GRAMD1B: variants seen among roughly 807,000 people sequenced by gnomAD.
GRAMD1B encodes protein Aster-B.
In GRAMD1B, 37 loss-of-function variants were observed where a neutral mutation model predicts 99.7. The observed-to-expected ratio is 0.37, with a 90% CI of 0.29 to 0.49. The LOEUF (loss-of-function observed/expected upper bound fraction) is 0.49. GRAMD1B is among the 20% of genes least tolerant of loss of function. The probability of loss-of-function intolerance (pLI) is 0.98; values close to 1 mark genes in which losing one functional copy is unlikely to be tolerated. For synonymous variants in GRAMD1B, 427 were observed against 387.6 expected (o/e 1.10, Z -1.19); for missense variants, 888 against 1,009.2 (o/e 0.88, Z 1.63).
chr11:123,380,939 C>T (rs1946852301), intron 1 of GRAMD1B, among the ~76,000 whole-genome samples: 1 of 152,244 alleles, frequency 6.6e-6, no homozygotes, highest in East Asian at 1.9e-4. Context: ...CTCTACGTAC[C>T]TTCCTTGGAG....
intron 1 of GRAMD1B, among the ~76,000 whole-genome samples, chr11:123,402,462 G>A (rs968146928): frequency 6.6e-6 from 1 of 152,198 alleles, no homozygotes; most frequent in African/African-American, 2.4e-5. Flanking sequence ...GTGTGTCAGA[G>A]TCTATGCTAA....
rs570018925 is a variant in GRAMD1B, at chr11:123,478,247, A to G, written c.375-2569A>G. 2.0e-5 allele frequency among the ~76,000 whole-genome samples: 3 copies of G among 151,982 alleles called. No individual in the cohort carries two copies. In the East Asian group the frequency reaches 5.8e-4, roughly 30 times the overall value. ...GGCTGATCAGGAACTCCTGGGTTTG[A>G]GCGATCCTCCGGTCTCAGCCTCCCA... On this transcript the variant is annotated intron_variant, in intron 1 of 19. Transcript: ENST00000635736.
At chr11:123,364,186 G>T (rs115226709) in intron 1 of GRAMD1B, among the ~76,000 whole-genome samples, 218 of 152,308 alleles carry the variant, frequency 1.4e-3, no homozygotes, top group African/African-American at 5.1e-3. Flanking sequence ...TAGCAATAAA[G>T]AGTGATGTTG....
chr11:123,389,472 A>T (rs1308966310), intron 1 of GRAMD1B, among the ~76,000 whole-genome samples: 1 of 152,238 alleles, frequency 6.6e-6, no homozygotes, highest in East Asian at 1.9e-4. Context: ...AAAAATAAGG[A>T]AAGTCTAAGA....
chr11:123,469,772 TTTCTTTCCTTCC>T (rs61433596), intron 1 of GRAMD1B, among the ~76,000 whole-genome samples: 9,207 of 108,344 alleles, frequency 0.085, 342 homozygotes, highest in Middle Eastern at 0.14. Context: ...TTTCTTTCTC[TTTCTTTCCTTCC>T]TTCCTTCCTT....
intron 1 of GRAMD1B, chr11:123,435,748 A>G: frequency 2.9e-6 from 1 of 340,662 alleles, no homozygotes; most frequent in Non-Finnish European, 5.3e-6. Flanking sequence ...TGAGTGTGGG[A>G]AAATTTCCAA....
intron 1 of GRAMD1B, among the ~76,000 whole-genome samples, chr11:123,451,244 G>A (rs186725913): frequency 3.6e-4 from 55 of 152,302 alleles, no homozygotes; most frequent in Admixed American, 7.2e-4. Context: ...CTGTAGCACT[G>A]GCACACACCA....
chr11:123,416,175 C>T (rs1445534298), intron 1 of GRAMD1B, among the ~76,000 whole-genome samples: 1 of 152,170 alleles, frequency 6.6e-6, no homozygotes, highest in Non-Finnish European at 1.5e-5. Flanking sequence ...GCATTAGTTA[C>T]AGTACATTGA....
chr11:123,489,910 C>G (rs1565294815), intron 2 of GRAMD1B, among the ~76,000 whole-genome samples: 1 of 152,196 alleles, frequency 6.6e-6, no homozygotes, highest in Admixed American at 6.5e-5. Flanking sequence ...AGTGTGATGG[C>G]TGGCGCCTGT....
At chr11:123,554,756 G>T (rs1258449322) in intron 2 of GRAMD1B, among the ~76,000 whole-genome samples, 4 of 152,034 alleles carry the variant, frequency 2.6e-5, no homozygotes, top group Non-Finnish European at 5.9e-5. Context: ...ACATGGAAAG[G>T]TCTCTGAAGA....
intron 1 of GRAMD1B, among the ~76,000 whole-genome samples, chr11:123,394,682 C>A (rs1947397914): frequency 6.6e-6 from 1 of 152,170 alleles, no homozygotes; most frequent in Non-Finnish European, 1.5e-5. Flanking sequence ...GTCTTGTTCC[C>A]TGCCTTAAAT....
In GRAMD1B at chr11:123,397,332, C is replaced by T. The variant is rs771092943; in HGVS notation, c.-176+38533C>T. 4.6e-5 allele frequency among the ~76,000 whole-genome samples: 7 copies of T among 152,030 alleles called. No individual in the cohort carries two copies. In the East Asian group the frequency reaches 5.8e-4, roughly 13 times the overall value. On this transcript the variant is annotated intron_variant, in intron 1 of 20. Coordinates refer to the GRAMD1B transcript ENST00000638157. ...CTGAGGCAAGAGAATTGCTTGAACCCGGGAGTTTGCAGTGCAGTGAGCTGA... is the reference window on the plus strand; with the variant it reads ...CTGAGGCAAGAGAATTGCTTGAACCTGGGAGTTTGCAGTGCAGTGAGCTGA...
chr11:123,618,749 A>C lies in GRAMD1B; in HGVS notation c.2375A>C (p.Glu792Ala). ...CTCTTCTACAAACTCTGGATGTTGG[A>C]ATACACCACGCAGACCCTCACTGCC... Reference protein sequence around the residue: ...MMLFYKLWMLEYTTQTLTAWQ... With the variant: ...MMLFYKLWMLAYTTQTLTAWQ... The change falls in exon 18 of 20, where the codon GAA (glutamate) becomes GCA (alanine). Residue 792 changes from glutamate to alanine, a missense_variant. By Grantham distance (107) the Glu-to-Ala change is moderately radical (BLOSUM62 -1). This residue lies in a region of GRAMD1B where 232 missense variants were observed against 261.7 expected (regional missense o/e 0.89). Coordinates refer to ENST00000635736, the MANE Select transcript of GRAMD1B (RefSeq NM_001387025.1). The C allele has an allele frequency of 6.3e-7, 1 of 1,589,228 alleles. No homozygotes were observed. The highest frequency in any genetic ancestry group is 8.6e-7 in the Non-Finnish European group (1 of 1,167,162).
chr11:123,517,076 C>T (rs544913611), intron 2 of GRAMD1B, among the ~76,000 whole-genome samples: 14 of 152,240 alleles, frequency 9.2e-5, no homozygotes, highest in Middle Eastern at 3.4e-3. Flanking sequence ...CACACCACCA[C>T]GTCCAGCTAA....
chr11:123,619,022 C>G (rs546451936), intron 18 of GRAMD1B, 85 bp from the exon 19 acceptor site: 12 of 770,624 alleles, frequency 1.6e-5, no homozygotes, highest in Non-Finnish European at 4.3e-6. Context: ...TGATGTGACT[C>G]TCTGTCCTTT....
chr11:123,422,164 T>TG (rs994214765), intron 1 of GRAMD1B, among the ~76,000 whole-genome samples: 2 of 151,844 alleles, frequency 1.3e-5, no homozygotes, highest in African/African-American at 2.4e-5. Context: ...GAGAGGGATG[T>TG]GGGGGGGATA....
chr11:123,513,656 T>TCTTTTTCTTAC (rs1565316180), intron 2 of GRAMD1B, among the ~76,000 whole-genome samples: 42 of 146,878 alleles, frequency 2.9e-4, no homozygotes, highest in Non-Finnish European at 5.5e-4. Flanking sequence ...TTCTTACCTT[T>TCTTTTTCTTAC]CTTTCTTTCT....
chr11:123,617,986 G>A (rs1954666726), intron 17 of GRAMD1B, among the ~76,000 whole-genome samples: 2 of 152,166 alleles, frequency 1.3e-5, no homozygotes, highest in South Asian at 2.1e-4. Flanking sequence ...GTTGAGGCAG[G>A]GAACTTTGCA....
intron 4 of GRAMD1B, among the ~76,000 whole-genome samples, chr11:123,584,930 G>C (rs544122540): frequency 2.6e-5 from 4 of 152,280 alleles, no homozygotes; most frequent in African/African-American, 9.6e-5. Flanking sequence ...AAACTGTTGT[G>C]GGGTAAGCAG....
Sources: gnomAD v4.1 joint callset for allele counts (sites outside exome capture counted in the v4.1 genomes callset) on GRCh38, gnomAD v4.1.1 for gene constraint, gnomAD v4.1.1 regional missense constraint, MANE v1.5 for transcripts, NCBI Gene and HGNC (gene_info 2026-07-23, HGNC 2026-07-21) for gene names.